The following SALL2 variants were observed in gnomAD, a reference collection of about 807,000 sequenced individuals.
SALL2 encodes spalt like transcription factor 2.
Under a neutral mutation model 58.5 loss-of-function variants are expected in SALL2, and 32 were observed. The ratio of observed to expected loss-of-function variants is 0.55; its 90% CI spans 0.41 to 0.74. SALL2 has a LOEUF of 0.74. Ranked by LOEUF, SALL2 falls within the 30% of genes least tolerant of loss-of-function variation. SALL2 has a pLI of 0.00. For synonymous variants in SALL2, 516 were observed against 513.6 expected, an observed-to-expected ratio of 1.00 and a Z score of -0.06; for missense variants, 1,201 against 1,268.9, an observed-to-expected ratio of 0.95 and a Z score of 0.81.
rs2139667393 is a variant in SALL2 at position 21,523,658 on chromosome 14, C to G, written c.2064G>C (p.Gln688His). ...TCTTCTGGCAGATGGGGCAGGAATT[C>G]TGTGCCCGGGCAGCTGGACTGGCCT... is the stretch of plus-strand genomic sequence containing the variant. ...GHKASPAARA[Q>H]NSCPICQKKF... The change falls in exon 2 of 2, where the codon CAG (glutamine) becomes CAC (histidine). Residue 688 changes from glutamine to histidine, a missense_variant. By Grantham distance (24) the Gln-to-His change is conservative. Coordinates refer to ENST00000537235, the MANE Select transcript of SALL2 (RefSeq NM_001364564.1). The surrounding 1 kb of genome is among the most constrained non-coding windows in gnomAD (Gnocchi z 4.4). The G allele has an allele frequency of 6.2e-7, 1 of 1,614,250 alleles. No homozygotes were observed. Among genetic ancestry groups the G allele is most frequent in the East Asian group, 2.2e-5 (1 of 44,886 alleles).
rs746092722 is a variant in SALL2, at chr14:21,523,789, G to T, written c.1933C>A (p.Arg645Ser). 3.7e-6 allele frequency: 6 copies of T among 1,614,214 alleles called. No individual in the cohort carries two copies. Among genetic ancestry groups the T allele is most frequent in the Non-Finnish European group, 4.2e-6 (5 of 1,180,042 alleles). The change falls in exon 2 of 2, where the codon CGC (arginine) becomes AGC (serine). Residue 645 changes from arginine to serine, a missense_variant. By Grantham distance (110) the Arg-to-Ser change is moderately radical (BLOSUM62 -1). This residue lies in a region of SALL2 where 675 missense variants were observed against 683.8 expected (regional missense o/e 0.99). Coordinates refer to ENST00000537235, the MANE Select transcript of SALL2 (RefSeq NM_001364564.1). The surrounding 1 kb of genome is among the most constrained non-coding windows in gnomAD (Gnocchi z 4.4). ...CCTCCATGTTGGCCATAATGAAGGC[G>T]TAGGGCCCGAGGACAGCTAAGCACT... ...LRVLSCPRAL[R>S]LHYGQHGGER...
At chr14:21,530,007 T>C (rs1161371013), upstream of SALL2, among the ~76,000 whole-genome samples, 2 of 152,140 alleles carry the variant, frequency 1.3e-5, no homozygotes, top group African/African-American at 4.8e-5. Context: ...AGATCTTACC[T>C]GAGCTAAACT....
At chr14:21,532,234 C>T (rs1231041211) in intron 1 of SALL2, among the ~76,000 whole-genome samples, 2 of 152,138 alleles carry the variant, frequency 1.3e-5, no homozygotes, top group Admixed American at 6.5e-5. Flanking sequence ...GGTACCCAAA[C>T]ATTATATGAG....
upstream of SALL2, chr14:21,526,527 C>T: frequency 8.8e-7 from 1 of 1,136,668 alleles, no homozygotes; most frequent in Non-Finnish European, 1.1e-6. Flanking sequence ...CCACCTTTCC[C>T]GGTCCCTGGC....
At chr14:21,529,714 AAGGC>A (rs1194657700), upstream of SALL2, among the ~76,000 whole-genome samples, 1 of 152,124 alleles carries the variant, frequency 6.6e-6, no homozygotes, top group Non-Finnish European at 1.5e-5. Flanking sequence ...TTTGGAGGCC[AAGGC>A]AGGAGGATTG....
At position 21,524,051 on chromosome 14, in the gene SALL2, G is replaced by A. The variant is rs1196291175; in HGVS notation, c.1671C>T (p.Ser557=). 3.7e-6 allele frequency: 6 copies of A among 1,614,086 alleles called. No homozygotes were observed. In the Admixed American group the frequency reaches 6.7e-5, roughly 18 times the overall value. The change falls in exon 2 of 2, where the codon AGC becomes AGT. Residue 557 remains serine, a synonymous_variant. Transcript: ENST00000537235. ...TGAAGTGGTTGGTAAGCAGTGCCCA[G>A]CTTGGTAGTGAAGTCACCAACTTAC... ...QLSKLVTSLP[S]WALLTNHFKS...
upstream of SALL2, among the ~76,000 whole-genome samples, chr14:21,528,430 CACTTT>C (rs1342861684): frequency 2.0e-5 from 3 of 152,130 alleles, no homozygotes; most frequent in African/African-American, 4.8e-5. Flanking sequence ...TAGTAACATC[CACTTT>C]ACTTCTCAAC....
chr14:21,523,517 G>A lies in SALL2; in HGVS notation c.2205C>T (p.Ser735=), dbSNP rs191602308. ...EGGGAAQENG[S]EQSTVSGARS... The stretch of plus-strand genomic sequence containing the variant: ...GTGCCCCGGAGACTGTAGATTGCTC[G>A]GAGCCATTCTCCTGAGCAGCTCCTC... The change falls in exon 2 of 2, where the codon TCC becomes TCT. Residue 735 remains serine (S), a synonymous_variant. Transcript: ENST00000537235. This position sits in a 1 kb window ranked among gnomAD's most constrained non-coding sequence, Gnocchi z 4.4. 214 of 1,614,192 alleles carry A rather than the reference G, an allele frequency of 1.3e-4. No individual in the cohort carries two copies. Among genetic ancestry groups the A allele is most frequent in the Non-Finnish European group, 1.8e-4 (207 of 1,180,030 alleles).
Position 21,524,953 on chromosome 14 carries a change from A to G in SALL2, c.769T>C (p.Ser257Pro), listed in dbSNP as rs1423720201. The change falls in exon 2 of 2, where the codon TCC becomes CCC. Residue 257 changes from serine to proline, a missense_variant. Ser to Pro is a moderately conservative substitution (Grantham distance 74). Coordinates refer to ENST00000537235, the MANE Select transcript of SALL2 (RefSeq NM_001364564.1). ...QTSKTLASSS[S>P]SSSSSSGAET... ...GCCCCTGAAGAGGAAGAGGAGGAGGAGGAGGAAGATGCCAGTGTCTTGCTG... is the reference window on the plus strand; with the variant it reads ...GCCCCTGAAGAGGAAGAGGAGGAGGGGGAGGAAGATGCCAGTGTCTTGCTG... 1.2e-6 allele frequency: 2 copies of G among 1,614,070 alleles called. No individual in the cohort carries two copies. The highest frequency in any genetic ancestry group is 1.7e-6 in the Non-Finnish European group (2 of 1,179,980).
chr14:21,523,808 A>C lies in SALL2; in HGVS notation c.1914T>G (p.Leu638=). The change falls in exon 2 of 2, where the codon CTT becomes CTG. Residue 638 remains leucine, a synonymous_variant. Transcript: ENST00000537235. The surrounding 1 kb of genome is among the most constrained non-coding windows in gnomAD (Gnocchi z 4.4). ...GAAGGCGTAGGGCCCGAGGACAGCT[A>C]AGCACTCGGAGACAGATGACACACT... The part of the protein sequence containing the change: ...PNQCVICLRV[L]SCPRALRLHY... 6.2e-7 allele frequency: 1 copy of C among 1,614,192 alleles called. No individual in the cohort carries two copies. Among genetic ancestry groups the C allele is most frequent in the Non-Finnish European group, 8.5e-7 (1 of 1,180,034 alleles).
At chr14:21,530,740 G>A (rs940886002), upstream of SALL2, among the ~76,000 whole-genome samples, 2 of 152,146 alleles carry the variant, frequency 1.3e-5, no homozygotes, top group Non-Finnish European at 2.9e-5. Context: ...TTCCTGAATA[G>A]CTGGGACTAC....
At position 21,523,969 on chromosome 14, in the gene SALL2, A is replaced by T. The variant is rs201895191; in HGVS notation, c.1753T>A (p.Ser585Thr). 6.2e-7 allele frequency: 1 copy of T among 1,614,178 alleles called. No individual in the cohort carries two copies. The highest frequency in any genetic ancestry group is 2.2e-5 in the East Asian group (1 of 44,876). Residue 585 changes from serine (S) to threonine (T), a missense_variant, in exon 2 of 2, where the codon TCT (serine) becomes ACT (threonine). Physicochemically the swap from Ser to Thr is moderately conservative, Grantham distance 58. Transcript: ENST00000537235. The surrounding 1 kb of genome is among the most constrained non-coding windows in gnomAD (Gnocchi z 4.4). ...AGTTGCTGCAGCTTTGATGTCTCAG[A>T]GGGTGAGGCCCCCAAGGGCTCTAGC... is the stretch of plus-strand genomic sequence containing the variant. ...YVLEPLGASPSETSKLQQLVE... is the reference protein window; with the variant it reads ...YVLEPLGASPTETSKLQQLVE...
In SALL2 at chr14:21,523,106, A is replaced by G. The variant is rs1594456807; in HGVS notation, c.2616T>C (p.Ser872=). The change falls in exon 2 of 2, where the codon AGT becomes AGC. Residue 872 remains serine, a synonymous_variant. Transcript: ENST00000537235. This position sits in a 1 kb window ranked among gnomAD's most constrained non-coding sequence, Gnocchi z 4.4. The part of the protein sequence containing the change: ...EEGGKPERSS[S]PASALTPEGE... ...CTTCTGGGGTGAGTGCTGATGCCGGACTTGAGCTTCTCTCCGGTTTGCCCC... is the reference window on the plus strand; with the variant it reads ...CTTCTGGGGTGAGTGCTGATGCCGGGCTTGAGCTTCTCTCCGGTTTGCCCC... The G allele has an allele frequency of 1.2e-6, 2 of 1,614,082 alleles. No homozygotes were observed. The highest frequency in any genetic ancestry group is 1.7e-6 in the Non-Finnish European group (2 of 1,180,008).
chr14:21,522,814 G>T lies in SALL2; in HGVS notation c.2908C>A (p.His970Asn), dbSNP rs201659642. The T allele has an allele frequency of 5.0e-6, 8 of 1,607,580 alleles. No individual in the cohort carries two copies. The highest frequency in any genetic ancestry group is 5.9e-6 in the Non-Finnish European group (7 of 1,177,338). The change falls in exon 2 of 2, where the codon CAT becomes AAT. Residue 970 changes from histidine (H) to asparagine (N), a missense_variant. Coordinates refer to ENST00000537235, the MANE Select transcript of SALL2 (RefSeq NM_001364564.1). The part of the protein sequence containing the change: ...AHHQVQPFAP[H>N]GPQNIAALSL... The stretch of plus-strand genomic sequence containing the variant: ...AGAGCAGCAATATTCTGAGGGCCAT[G>T]GGGGGCAAAGGGCTGTACCTGGTGG...
chr14:21,534,020 C>T (rs555944817), intron 1 of SALL2, among the ~76,000 whole-genome samples: 1 of 152,010 alleles, frequency 6.6e-6, no homozygotes. Flanking sequence ...AAGTCAGATG[C>T]CTGAAGATCA....
chr14:21,522,074 G>A lies in SALL2; in HGVS notation c.*630C>T, dbSNP rs1213124275. The A allele has an allele frequency of 4.4e-6, 7 of 1,597,484 alleles. No individual in the cohort carries two copies. The highest frequency in any genetic ancestry group is 2.7e-5 in the African/African-American group (2 of 74,872). ...GTGCAGGAGGCTGAAATAGGAGGGG[G>A]GCTGTCTTCTCCTTGGCTTCCCTGG... On this transcript the variant is annotated 3_prime_UTR_variant, in exon 2 of 2. Coordinates refer to ENST00000537235, the MANE Select transcript of SALL2 (RefSeq NM_001364564.1).
rs774004331 is a variant in SALL2 at position 21,524,921 on chromosome 14, C to G, written c.801G>C (p.Thr267=). ...AAAGGTGGAAGAAGGCCTGCTTGGG[C>G]GTTTCTGCCCCTGAAGAGGAAGAGG... The part of the protein sequence containing the change: ...SSSSSSSGAE[T]PKQAFFHLYH... Residue 267 remains threonine, a synonymous_variant, in exon 2 of 2, where the codon ACG becomes ACC. Transcript: ENST00000537235. The G allele has an allele frequency of 9.9e-6, 16 of 1,614,010 alleles. 1 individual carries two copies. The Admixed American group carries it at 1.8e-4, about 18-fold the overall frequency.
chr14:21,529,226 G>A (rs965019040), upstream of SALL2, among the ~76,000 whole-genome samples: 1 of 152,184 alleles, frequency 6.6e-6, no homozygotes, highest in South Asian at 2.1e-4. Context: ...GGTGTCCCTA[G>A]ATAGCAGATA....
In SALL2 at chr14:21,522,543, A is replaced by G. The variant is rs1484917131; in HGVS notation, c.*161T>C. The G allele has an allele frequency of 3.6e-6, 5 of 1,393,162 alleles. No homozygotes were observed. Among genetic ancestry groups the G allele is most frequent in the Admixed American group, 3.2e-5 (1 of 31,094 alleles). 86.3% of individuals were successfully genotyped at this position (1,393,162 alleles called of 1,614,324 possible). A position where few individuals can be genotyped will look rare whatever the true frequency, so the allele number is the denominator to read the frequency against. On this transcript the variant is annotated 3_prime_UTR_variant, in exon 2 of 2. Transcript: ENST00000537235. ...TAGGGGGCCATCCCCTTGTAAGCAC[A>G]GTAATTTCCAAGCTCAGGGACTACA...
Sources: allele counts gnomAD v4.1 joint callset (sites outside exome capture counted in the v4.1 genomes callset), GRCh38; gene constraint gnomAD v4.1.1; regional missense constraint gnomAD v4.1.1; non-coding constraint Gnocchi (gnomAD v3.1); transcripts MANE v1.5; gene names NCBI Gene and HGNC (gene_info 2026-07-23, HGNC 2026-07-21).